MYRIP: variants seen among roughly 807,000 people sequenced by gnomAD.
The protein encoded by MYRIP is rab effector MyRIP.
In MYRIP, 49 loss-of-function variants were observed where a neutral mutation model predicts 98.0. That is an observed-to-expected ratio of 0.50 (90% confidence interval 0.40 to 0.63). The LOEUF (loss-of-function observed/expected upper bound fraction) is 0.63. Ranked by LOEUF, MYRIP falls within the 30% of genes least tolerant of loss-of-function variation. MYRIP has a pLI of 0.00. For missense variants in MYRIP, 1,004 were observed against 1,058.2 expected, an observed-to-expected ratio of 0.95 and a Z score of 0.71; for synonymous variants, 404 against 409.5, an observed-to-expected ratio of 0.99 and a Z score of 0.16.
chr3:39,897,191 A>G (rs1943630743), intron 1 of MYRIP, among the ~76,000 whole-genome samples: 1 of 152,258 alleles, frequency 6.6e-6, no homozygotes, highest in African/African-American at 2.4e-5. Context: ...TATCAAAGAA[A>G]GAGGTTTCTG....
At chr3:40,210,837 G>A (rs1951908580) in intron 11 of MYRIP, among the ~76,000 whole-genome samples, 1 of 152,020 alleles carries the variant, frequency 6.6e-6, no homozygotes, top group Non-Finnish European at 1.5e-5. Flanking sequence ...CCTCCCCATT[G>A]TCAGTGCTCT....
chr3:40,215,313 A>G (rs941395239), intron 11 of MYRIP, among the ~76,000 whole-genome samples: 1 of 152,178 alleles, frequency 6.6e-6, no homozygotes, highest in Non-Finnish European at 1.5e-5. Flanking sequence ...CTACATTTAG[A>G]GTTTCATAGA....
chr3:39,920,847 T>C (rs1213148240), intron 2 of MYRIP, among the ~76,000 whole-genome samples: 1 of 152,180 alleles, frequency 6.6e-6, no homozygotes, highest in Non-Finnish European at 1.5e-5. Context: ...GTCTCCCTCC[T>C]GGGCTGGTTC....
At chr3:40,061,047 C>A (rs1948003920) in intron 3 of MYRIP, among the ~76,000 whole-genome samples, 1 of 152,044 alleles carries the variant, frequency 6.6e-6, no homozygotes, top group Non-Finnish European at 1.5e-5. Flanking sequence ...TTTCTAAAAG[C>A]CCTACTTTTT....
rs149684081 is a variant in MYRIP at position 39,925,166 on chromosome 3, G to A, written c.110+24240G>A. 9.5e-3 allele frequency among the ~76,000 whole-genome samples: 1,444 copies of A among 151,752 alleles called. 15 individuals are homozygous for A. The highest frequency in any genetic ancestry group is 0.033 in the African/African-American group (1,365 of 41,404). ...AATAAAAATAAATGAAACAAAGTCT[G>A]GTTCCTCAAAATGATTTAAAAAATA... On this transcript the variant is annotated intron_variant, in intron 2 of 16. Transcript: ENST00000302541.
At chr3:40,099,230 T>G (rs1948893228) in intron 3 of MYRIP, among the ~76,000 whole-genome samples, 1 of 152,220 alleles carries the variant, frequency 6.6e-6, no homozygotes. Flanking sequence ...AAAATGTGTT[T>G]CTTCTTAGTC....
At chr3:39,899,210 T>A (rs79993193) in intron 1 of MYRIP, among the ~76,000 whole-genome samples, 1 of 152,156 alleles carries the variant, frequency 6.6e-6, no homozygotes, top group South Asian at 2.1e-4. Context: ...ATAATACTTG[T>A]ATGCATGCTG....
At chr3:40,235,657 C>G (rs1952804069) in intron 12 of MYRIP, among the ~76,000 whole-genome samples, 1 of 152,194 alleles carries the variant, frequency 6.6e-6, no homozygotes, top group Non-Finnish European at 1.5e-5. Context: ...GACTCATCTG[C>G]CTCATTTCAT....
chr3:40,032,104 C>T (rs1947274993), intron 2 of MYRIP, among the ~76,000 whole-genome samples: 1 of 151,948 alleles, frequency 6.6e-6, no homozygotes, highest in Admixed American at 6.6e-5. Context: ...TGGATCTTTC[C>T]TGCTTTCTCT....
intron 10 of MYRIP, among the ~76,000 whole-genome samples, chr3:40,200,756 G>T (rs1249373412): frequency 2.0e-5 from 3 of 152,090 alleles, no homozygotes; most frequent in Non-Finnish European, 4.4e-5. Context: ...CAGAGAAAGG[G>T]GTCTAGAGCA....
At chr3:40,112,942 C>G (rs975690747) in intron 3 of MYRIP, among the ~76,000 whole-genome samples, 1 of 152,214 alleles carries the variant, frequency 6.6e-6, no homozygotes, top group Admixed American at 6.5e-5. Flanking sequence ...CCTCCTTTCT[C>G]TCGAGCCTGA....
intron 10 of MYRIP, among the ~76,000 whole-genome samples, chr3:40,204,224 A>AATAT (rs796242922): frequency 1.9e-4 from 1 of 5,366 alleles, no homozygotes. Context: ...ATTATATATA[A>AATAT]ATATATATAT....
chr3:39,920,466 C>G (rs1484674557), intron 2 of MYRIP, among the ~76,000 whole-genome samples: 1 of 152,140 alleles, frequency 6.6e-6, no homozygotes, highest in African/African-American at 2.4e-5. Flanking sequence ...AGAGAAGATT[C>G]TTAGCTGCTG....
chr3:39,823,965 A>G (rs1941192488), intron 1 of MYRIP, among the ~76,000 whole-genome samples: 1 of 152,092 alleles, frequency 6.6e-6, no homozygotes, highest in African/African-American at 2.4e-5. Flanking sequence ...CTATGTTTTT[A>G]TCTAGTAATT....
intron 2 of MYRIP, among the ~76,000 whole-genome samples, chr3:40,007,457 C>G (rs1400125770): frequency 6.6e-6 from 1 of 152,198 alleles, no homozygotes; most frequent in Non-Finnish European, 1.5e-5. Context: ...CTGGCCTTAG[C>G]TCAGGTGTCC....
chr3:39,995,865 G>C (rs1946337506), intron 2 of MYRIP, among the ~76,000 whole-genome samples: 2 of 152,214 alleles, frequency 1.3e-5, no homozygotes, highest in Admixed American at 6.5e-5. Context: ...AGCCAGAAGA[G>C]AGTGGGGGCC....
intron 5 of MYRIP, among the ~76,000 whole-genome samples, chr3:40,166,310 T>C (rs537018167): frequency 2.0e-5 from 3 of 152,356 alleles, no homozygotes. Flanking sequence ...TATTTCCTTA[T>C]ATGAAGCCCT....
chr3:40,060,596 T>TTTGAGAGAGAGAGAGAGAGAGAGAGAGA (rs1947988327), intron 3 of MYRIP, among the ~76,000 whole-genome samples: 2 of 138,794 alleles, frequency 1.4e-5, no homozygotes, highest in Non-Finnish European at 3.1e-5. Flanking sequence ...TTTCTTTTTT[T>TTTGAGAGAGAGAGAGAGAGAGAGAGAGA]GAGAGAGAGA....
At chr3:39,857,983 G>A (rs1559498697) in intron 1 of MYRIP, among the ~76,000 whole-genome samples, 1 of 152,004 alleles carries the variant, frequency 6.6e-6, no homozygotes, top group Non-Finnish European at 1.5e-5. Flanking sequence ...GAGAAACAAA[G>A]GAACTACAAA....
Sources: allele counts gnomAD v4.1 joint callset (sites outside exome capture counted in the v4.1 genomes callset), GRCh38; gene constraint gnomAD v4.1.1; transcripts MANE v1.5; gene names NCBI Gene and HGNC (gene_info 2026-07-23, HGNC 2026-07-21).